The following CADPS variants were observed in gnomAD, a reference collection of about 807,000 sequenced individuals.
CADPS encodes the protein calcium-dependent secretion activator 1.
Under a neutral mutation model 167.3 loss-of-function variants are expected in CADPS, and 57 were observed. The observed-to-expected ratio is 0.34, with a 90% CI of 0.28 to 0.42. The LOEUF is 0.42. Among genes scored for constraint, CADPS ranks in the 20% least tolerant of loss-of-function variants. The probability of loss-of-function intolerance (pLI) is 1.00; values close to 1 mark genes in which losing one functional copy is unlikely to be tolerated. For synonymous variants in CADPS, 676 were observed against 635.3 expected, an observed-to-expected ratio of 1.06 and a Z score of -0.96; for missense variants, 1,414 against 1,738.1, an observed-to-expected ratio of 0.81 and a Z score of 3.32.
rs139207587 is a variant in CADPS at position 62,523,923 on chromosome 3, A to G, written c.2292-5673T>C. Among the ~76,000 whole-genome samples, 77 of 152,360 alleles carry G rather than the reference A, an allele frequency of 5.1e-4. 1 individual carries two copies. Among genetic ancestry groups the G allele is most frequent in the African/African-American group, 1.7e-3 (71 of 41,588 alleles). On this transcript the variant is annotated intron_variant, in intron 13 of 29. Transcript: ENST00000383710. ...TGGATCCATGAAAATGTCCTTAAAC[A>G]AGCATGATAACTGAATCCTACTTGC...
chr3:62,852,283 T>C (rs2078767210), intron 1 of CADPS, among the ~76,000 whole-genome samples: 1 of 152,084 alleles, frequency 6.6e-6, no homozygotes, highest in South Asian at 2.1e-4. Flanking sequence ...CTCGTCAAAA[T>C]CATTCTCCAT....
At chr3:62,667,795 G>A (rs2074744524) in intron 3 of CADPS, among the ~76,000 whole-genome samples, 1 of 151,966 alleles carries the variant, frequency 6.6e-6, no homozygotes, top group Non-Finnish European at 1.5e-5. Flanking sequence ...CAGAATTTTG[G>A]GGGTGGGGGG....
rs761677335 is a variant in CADPS, at chr3:62,875,035, C to T, written c.-6G>A. ...CTGGACGAAGGGTCCAGCATAGTGG[C>T]GCCTGGGGAGCGGGGTCTCTGGAGC... On this transcript the variant is annotated 5_prime_UTR_variant, in exon 1 of 30. Transcript: ENST00000383710. 1 of 1,582,310 alleles carries T rather than the reference C, an allele frequency of 6.3e-7. No homozygotes were observed. The highest frequency in any genetic ancestry group is 1.1e-5 in the South Asian group (1 of 89,830).
chr3:62,554,240 T>C (rs2077753407), intron 10 of CADPS, among the ~76,000 whole-genome samples: 1 of 152,230 alleles, frequency 6.6e-6, no homozygotes, highest in Non-Finnish European at 1.5e-5. Flanking sequence ...ATTTTTATTT[T>C]TAGCTTAAAA....
chr3:62,630,893 G>C (rs1346474135), intron 6 of CADPS, among the ~76,000 whole-genome samples: 1 of 152,138 alleles, frequency 6.6e-6, no homozygotes, highest in Non-Finnish European at 1.5e-5. Flanking sequence ...CCAAGGTTTA[G>C]AATTAAGTCC....
In CADPS at chr3:62,849,250, T is replaced by C. The variant is rs868031255; in HGVS notation, c.441+25339A>G. On this transcript the variant is annotated intron_variant, in intron 1 of 29. Transcript: ENST00000383710. ...GAGACAATTTGACTTCCTCTTTTCC[T>C]AATTGAATGCCCTTTATTTCCTTCT... Among the ~76,000 whole-genome samples, 120 of 149,614 alleles carry C rather than the reference T, an allele frequency of 8.0e-4. 1 individual carries two copies. Among genetic ancestry groups the C allele is most frequent in the Middle Eastern group, 6.8e-3 (2 of 292 alleles).
intron 29 of CADPS, among the ~76,000 whole-genome samples, chr3:62,401,034 T>G (rs914783628): frequency 6.6e-6 from 1 of 152,168 alleles, no homozygotes; most frequent in Non-Finnish European, 1.5e-5. Flanking sequence ...TGAAGTCCAA[T>G]AACAAAAAAG....
chr3:62,457,641 G>T lies in CADPS; in HGVS notation c.3636+7726C>A, dbSNP rs537904794. On this transcript the variant is annotated intron_variant, in intron 26 of 29. Transcript: ENST00000383710. ...AGTTTGGATTGCTTACAGGAGAAAT[G>T]ATTGGTATGCTAAGACTGAACTGGT... is the stretch of plus-strand genomic sequence containing the variant. 5.8e-4 allele frequency among the ~76,000 whole-genome samples: 89 copies of T among 152,280 alleles called. 1 individual carries two copies. In the South Asian group the frequency reaches 0.017, roughly 28 times the overall value.
At chr3:62,447,857 GTT>G in intron 26 of CADPS, among the ~76,000 whole-genome samples, 1 of 152,196 alleles carries the variant, frequency 6.6e-6, no homozygotes, top group East Asian at 1.9e-4. Context: ...CTAGAACTTA[GTT>G]CAGGAAAGAA....
chr3:62,610,117 A>G (rs1012306500), intron 6 of CADPS, among the ~76,000 whole-genome samples: 1 of 152,088 alleles, frequency 6.6e-6, no homozygotes, highest in South Asian at 2.1e-4. Context: ...CACCAGAAAA[A>G]AAAACAACAA....
intron 28 of CADPS, among the ~76,000 whole-genome samples, chr3:62,428,296 C>CTTTTTTTTTTTTTTTT (rs34002756): frequency 3.1e-5 from 2 of 64,662 alleles, no homozygotes; most frequent in African/African-American, 8.1e-5. Context: ...GGAAGCAAGA[C>CTTTTTTTTTTTTTTTT]TTTTTTTTTT....
intron 6 of CADPS, 41 bp from the exon 7 acceptor site, chr3:62,592,789 C>A: frequency 7.0e-7 from 1 of 1,423,348 alleles, no homozygotes; most frequent in African/African-American, 1.4e-5. Flanking sequence ...ACATATCTGC[C>A]TTGATGAGTC....
In CADPS at chr3:62,468,164, A is replaced by G. The variant is rs560148481; in HGVS notation, c.3478-1751T>C. Among the ~76,000 whole-genome samples the G allele has an allele frequency of 8.3e-4, 126 of 152,294 alleles. 2 individuals carry two copies. Among genetic ancestry groups the G allele is most frequent in the Non-Finnish European group, 1.2e-3 (82 of 68,006 alleles). On this transcript the variant is annotated intron_variant, in intron 24 of 29. Coordinates refer to ENST00000383710, the MANE Select transcript of CADPS (RefSeq NM_003716.4). ...TGCAGAATTCTTTGCTAGAAACACA[A>G]AGAAAGATGTCAGAGCAAAAGAATT...
chr3:62,587,591 T>C (rs141961734), intron 7 of CADPS, among the ~76,000 whole-genome samples: 435 of 152,346 alleles, frequency 2.9e-3, no homozygotes, highest in Non-Finnish European at 5.3e-3. Context: ...CCTGGGCTTC[T>C]GTCTGCTCCT....
At chr3:62,772,042 G>A (rs1379253179) in intron 1 of CADPS, among the ~76,000 whole-genome samples, 15 of 152,142 alleles carry the variant, frequency 9.9e-5, no homozygotes, top group Admixed American at 9.8e-4. Context: ...CTACTTTACA[G>A]AGTCTTTGTG....
intron 6 of CADPS, among the ~76,000 whole-genome samples, chr3:62,642,350 C>T (rs1013488512): frequency 6.6e-6 from 1 of 152,088 alleles, no homozygotes. Flanking sequence ...AAGGGCTAAG[C>T]TTGTCAGAGG....
intron 1 of CADPS, among the ~76,000 whole-genome samples, chr3:62,809,751 C>T (rs1325814467): frequency 6.6e-6 from 1 of 152,120 alleles, no homozygotes; most frequent in Non-Finnish European, 1.5e-5. Context: ...TATTTTCATC[C>T]TCTGGCACAG....
intron 7 of CADPS, among the ~76,000 whole-genome samples, chr3:62,588,644 T>A (rs2085217735): frequency 6.6e-6 from 1 of 152,136 alleles, no homozygotes; most frequent in African/African-American, 2.4e-5. Flanking sequence ...CATATACAAA[T>A]AAATAAATTC....
chr3:62,684,343 G>A (rs1444067764), intron 3 of CADPS, among the ~76,000 whole-genome samples: 3 of 151,996 alleles, frequency 2.0e-5, no homozygotes, highest in Admixed American at 1.3e-4. Context: ...CATTTGGGGG[G>A]ATTTTTTGGA....
Sources: gnomAD v4.1 joint callset for allele counts (sites outside exome capture counted in the v4.1 genomes callset) on GRCh38, gnomAD v4.1.1 for gene constraint, MANE v1.5 for transcripts, NCBI Gene and HGNC (gene_info 2026-07-23, HGNC 2026-07-21) for gene names.